Variants in SNX6 observed in about 807,000 individuals in gnomAD.
SNX6 encodes the protein sorting nexin 6, also known as sorting nexin-6.
In SNX6, 34 loss-of-function variants were observed where a neutral mutation model predicts 63.0. The observed-to-expected ratio is 0.54, with a 90% CI of 0.41 to 0.72. The LOEUF (loss-of-function observed/expected upper bound fraction) is 0.72. Among genes scored for constraint, SNX6 ranks in the 30% least tolerant of loss-of-function variants. The pLI, the probability that SNX6 is intolerant of heterozygous loss-of-function variation, is 0.00. For synonymous variants in SNX6, 170 were observed against 164.2 expected (o/e 1.04, Z -0.27); for missense variants, 398 against 471.4 (o/e 0.84, Z 1.44).
At chr14:34,611,518 TCACACCTATAATCCCAG>T (rs2138362563) in intron 2 of SNX6, among the ~76,000 whole-genome samples, 1 of 150,486 alleles carries the variant, frequency 6.6e-6, no homozygotes, top group South Asian at 2.1e-4. Context: ...GTGTGGTGGC[TCACACCTATAATCCCAG>T]CACTTTGGCA....
intron 2 of SNX6, among the ~76,000 whole-genome samples, chr14:34,614,704 G>A (rs61502158): frequency 3.3e-5 from 5 of 152,128 alleles, no homozygotes; most frequent in African/African-American, 1.2e-4. Context: ...GATCGCTTGA[G>A]CCCAGGAGTT....
At chr14:34,575,718 T>C in intron 11 of SNX6, 38 bp downstream of exon 11, 1 of 1,190,676 alleles carries the variant, frequency 8.4e-7, no homozygotes, top group East Asian at 2.4e-5. Context: ...GAAATGGCTG[T>C]TTGTAAAATG....
chr14:34,567,348 G>T (rs1490460636), intron 13 of SNX6, among the ~76,000 whole-genome samples: 1 of 152,040 alleles, frequency 6.6e-6, no homozygotes, highest in African/African-American at 2.4e-5. Flanking sequence ...TTACCCAGGT[G>T]TGGTGGCACA....
intron 7 of SNX6, among the ~76,000 whole-genome samples, chr14:34,597,313 G>A (rs35353974): frequency 6.6e-6 from 1 of 152,208 alleles, no homozygotes; most frequent in Admixed American, 6.5e-5. Flanking sequence ...GATGTGAAGG[G>A]AAGGGGTGTG....
At chr14:34,620,946 A>AG in intron 2 of SNX6, among the ~76,000 whole-genome samples, 1 of 152,234 alleles carries the variant, frequency 6.6e-6, no homozygotes, top group East Asian at 1.9e-4. Context: ...CCTCAAAAAA[A>AG]AAATAAAAAA....
intron 9 of SNX6, among the ~76,000 whole-genome samples, chr14:34,582,582 G>T (rs1046418972): frequency 6.6e-6 from 1 of 151,768 alleles, no homozygotes; most frequent in African/African-American, 2.4e-5. Context: ...ACTGAATCTC[G>T]CTTTCTTGCC....
chr14:34,605,775 C>A, intron 4 of SNX6, 58 bp from the exon 5 acceptor site: 6 of 1,562,360 alleles, frequency 3.8e-6, no homozygotes, highest in Non-Finnish European at 5.2e-6. Flanking sequence ...AAGCATTGTA[C>A]TACTGCCACC....
rs1221285833 is a variant in SNX6, at chr14:34,567,777, A to G, written c.1082-6T>C. ...TGTCTTAAAATCTATAAGTTCTGTGAAAAAGAAATTAGGATTATTTAATTT... is the reference window on the plus strand; with the variant it reads ...TGTCTTAAAATCTATAAGTTCTGTGGAAAAGAAATTAGGATTATTTAATTT... On this transcript the variant is annotated splice_polypyrimidine_tract_variant and splice_region_variant and intron_variant, in intron 12 of 13. Transcript: ENST00000362031. The G allele has an allele frequency of 1.4e-5, 23 of 1,612,932 alleles. No individual in the cohort carries two copies. Among genetic ancestry groups the G allele is most frequent in the Non-Finnish European group, 1.9e-5 (22 of 1,179,214 alleles).
At chr14:34,569,125 G>C in intron 11 of SNX6, 1 of 865,148 alleles carries the variant, frequency 1.2e-6, no homozygotes, top group South Asian at 1.3e-5. Flanking sequence ...AGTAACTCCA[G>C]GCATCATGCG....
intron 7 of SNX6, among the ~76,000 whole-genome samples, chr14:34,595,174 G>A (rs1411716024): frequency 2.0e-5 from 3 of 150,422 alleles, no homozygotes; most frequent in Admixed American, 6.7e-5. Context: ...TCTCTCTTTC[G>A]CCCAAGCTGG....
intron 13 of SNX6, among the ~76,000 whole-genome samples, chr14:34,565,137 G>T (rs1388796246): frequency 6.7e-6 from 1 of 150,306 alleles, no homozygotes; most frequent in African/African-American, 2.5e-5. Context: ...GACTGCAGTG[G>T]CATGATCTCA....
At chr14:34,614,180 A>C (rs927514247) in intron 2 of SNX6, among the ~76,000 whole-genome samples, 2 of 151,782 alleles carry the variant, frequency 1.3e-5, no homozygotes, top group African/African-American at 4.8e-5. Flanking sequence ...TAATATTAAC[A>C]CTTTGGGAGG....
chr14:34,576,435 CAT>C (rs74473328), intron 10 of SNX6, among the ~76,000 whole-genome samples: 4 of 138,454 alleles, frequency 2.9e-5, no homozygotes, highest in South Asian at 2.3e-4. Context: ...GGAAGGACAC[CAT>C]ATATATATAT....
intron 4 of SNX6, among the ~76,000 whole-genome samples, chr14:34,606,932 C>T (rs916924329): frequency 3.3e-5 from 5 of 152,044 alleles, no homozygotes; most frequent in East Asian, 1.9e-4. Context: ...CCAGCCACAA[C>T]GCCCAGCTAA....
chr14:34,626,027 T>TA (rs1184559301), intron 2 of SNX6, among the ~76,000 whole-genome samples: 1 of 152,170 alleles, frequency 6.6e-6, no homozygotes, highest in Non-Finnish European at 1.5e-5. Context: ...ACTACTAACT[T>TA]AGTTTCTCTG....
intron 2 of SNX6, chr14:34,629,635 C>T (rs1293885513): frequency 1.5e-6 from 1 of 683,794 alleles, no homozygotes; most frequent in African/African-American, 1.8e-5. Flanking sequence ...CCACCTGCAC[C>T]CCGCCCCGCG....
rs982464593 is a variant in SNX6, at chr14:34,617,404, C to G, written c.55-7662G>C. ...CCTATAATACCAGTACGTTGGGAGG[C>G]CAAGGCAGAAGGATCACTTGTGGTC... On this transcript the variant is annotated intron_variant, in intron 2 of 13. Transcript: ENST00000362031. Among the ~76,000 whole-genome samples, 5 of 151,912 alleles carry G rather than the reference C, an allele frequency of 3.3e-5. No individual in the cohort carries two copies. The East Asian group carries it at 9.6e-4, about 29-fold the overall frequency.
chr14:34,592,803 C>T (rs1882449652), intron 8 of SNX6, among the ~76,000 whole-genome samples: 1 of 152,126 alleles, frequency 6.6e-6, no homozygotes, highest in Non-Finnish European at 1.5e-5. Context: ...TCTTGAATTC[C>T]TGGGCTCAAG....
chr14:34,587,701 G>A (rs1013013700), intron 8 of SNX6, among the ~76,000 whole-genome samples: 8 of 151,766 alleles, frequency 5.3e-5, no homozygotes, highest in African/African-American at 1.5e-4. Flanking sequence ...GCATGATCAC[G>A]GCTCACTGCA....
Sources: gnomAD v4.1 joint callset for allele counts (sites outside exome capture counted in the v4.1 genomes callset) on GRCh38, gnomAD v4.1.1 for gene constraint, MANE v1.5 for transcripts, NCBI Gene and HGNC (gene_info 2026-07-23, HGNC 2026-07-21) for gene names.